Variants in CNTNAP5 observed in about 807,000 individuals in gnomAD.
CNTNAP5 encodes contactin associated protein family member 5.
Under a neutral mutation model 150.2 loss-of-function variants are expected in CNTNAP5, and 72 were observed. The ratio of observed to expected loss-of-function variants is 0.48; its 90% CI spans 0.40 to 0.58. CNTNAP5 has a LOEUF of 0.58. Ranked by LOEUF, CNTNAP5 falls within the 20% of genes least tolerant of loss-of-function variation. CNTNAP5 has a pLI of 0.00. For synonymous variants in CNTNAP5, 672 were observed against 619.8 expected, an observed-to-expected ratio of 1.08 and a Z score of -1.25; for missense variants, 1,636 against 1,626.2, an observed-to-expected ratio of 1.01 and a Z score of -0.10.
intron 13 of CNTNAP5, among the ~76,000 whole-genome samples, chr2:124,684,830 T>C (rs1679155342): frequency 6.6e-6 from 1 of 152,156 alleles, no homozygotes; most frequent in Non-Finnish European, 1.5e-5. Flanking sequence ...GATCCACAGC[T>C]TACATTTGGG....
chr2:124,801,238 T>C (rs996559121), intron 19 of CNTNAP5, among the ~76,000 whole-genome samples: 1 of 152,104 alleles, frequency 6.6e-6, no homozygotes, highest in African/African-American at 2.4e-5. Context: ...ACTGTGAAGA[T>C]AAGAAAAGAA....
chr2:124,286,397 A>T (rs1688149727), intron 3 of CNTNAP5, among the ~76,000 whole-genome samples: 1 of 152,184 alleles, frequency 6.6e-6, no homozygotes. Flanking sequence ...GTGGCACCTT[A>T]GAATTACCTG....
chr2:124,681,476 C>G (rs1480374198), intron 13 of CNTNAP5, among the ~76,000 whole-genome samples: 1 of 152,076 alleles, frequency 6.6e-6, no homozygotes, highest in Admixed American at 6.6e-5. Flanking sequence ...TAGTGACCTT[C>G]CTGAATTAAT....
chr2:124,797,846 C>T (rs2104641639), intron 18 of CNTNAP5, among the ~76,000 whole-genome samples: 1 of 152,308 alleles, frequency 6.6e-6, no homozygotes, highest in East Asian at 1.9e-4. Flanking sequence ...GGAGGAAAAC[C>T]TGAGCTTTCT....
At chr2:124,403,127 C>T (rs1273273101) in intron 3 of CNTNAP5, among the ~76,000 whole-genome samples, 2 of 152,218 alleles carry the variant, frequency 1.3e-5, no homozygotes, top group Admixed American at 6.5e-5. Flanking sequence ...AGTTTGTACT[C>T]TTCTGGGGGG....
chr2:124,559,767 C>T (rs1414772208), intron 10 of CNTNAP5, among the ~76,000 whole-genome samples: 1 of 152,172 alleles, frequency 6.6e-6, no homozygotes, highest in African/African-American at 2.4e-5. Flanking sequence ...AAATTATACT[C>T]ATGAAACTGC....
intron 4 of CNTNAP5, among the ~76,000 whole-genome samples, chr2:124,419,128 G>A (rs1158233947): frequency 4.3e-4 from 7 of 16,326 alleles, no homozygotes; most frequent in Admixed American, 1.2e-3. Context: ...GCGACAGAGC[G>A]AGACTCCTTC....
At chr2:124,510,194 T>C (rs1339685142) in intron 8 of CNTNAP5, among the ~76,000 whole-genome samples, 102 of 129,776 alleles carry the variant, frequency 7.9e-4, no homozygotes, top group Middle Eastern at 0.011. Flanking sequence ...GGTGACAGAG[T>C]GAGACTCCAT....
At chr2:124,191,779 G>T (rs900855023) in intron 1 of CNTNAP5, among the ~76,000 whole-genome samples, 1 of 152,118 alleles carries the variant, frequency 6.6e-6, no homozygotes, top group Non-Finnish European at 1.5e-5. Flanking sequence ...GCTGGGCATG[G>T]TGGCTCACGC....
chr2:124,718,770 C>T (rs1453037564), intron 13 of CNTNAP5, among the ~76,000 whole-genome samples: 2 of 151,852 alleles, frequency 1.3e-5, no homozygotes, highest in Admixed American at 6.6e-5. Context: ...GTCGAAACCC[C>T]GTCTCTACTA....
chr2:124,180,078 A>C (rs1264165875), intron 1 of CNTNAP5, among the ~76,000 whole-genome samples: 1 of 152,204 alleles, frequency 6.6e-6, no homozygotes, highest in African/African-American at 2.4e-5. Context: ...TATATACAAA[A>C]ATTTGGCTTC....
chr2:124,364,796 G>C (rs1294820659), intron 3 of CNTNAP5, among the ~76,000 whole-genome samples: 1 of 152,142 alleles, frequency 6.6e-6, no homozygotes. Flanking sequence ...TACCAGAGGA[G>C]AAAAAGGAAA....
chr2:124,746,932 A>G (rs1680615152), intron 13 of CNTNAP5, among the ~76,000 whole-genome samples: 1 of 152,088 alleles, frequency 6.6e-6, no homozygotes, highest in Non-Finnish European at 1.5e-5. Flanking sequence ...TGTCGTTTAT[A>G]TGTGTACATA....
intron 19 of CNTNAP5, among the ~76,000 whole-genome samples, chr2:124,860,299 G>A (rs556173376): frequency 1.1e-4 from 17 of 151,880 alleles, no homozygotes; most frequent in East Asian, 3.9e-4. Context: ...GCAGTGAGCC[G>A]AGATAGTGCC....
chr2:124,323,234 T>G (rs1223931035), intron 3 of CNTNAP5, among the ~76,000 whole-genome samples: 1 of 152,196 alleles, frequency 6.6e-6, no homozygotes, highest in Non-Finnish European at 1.5e-5. Flanking sequence ...GAAGTTCTCA[T>G]GCAACTCAGA....
intron 7 of CNTNAP5, among the ~76,000 whole-genome samples, chr2:124,486,863 A>G (rs998795677): frequency 1.3e-5 from 2 of 152,228 alleles, no homozygotes; most frequent in African/African-American, 4.8e-5. Context: ...TCTCAGACTC[A>G]AAAAGTTTAG....
At chr2:124,362,427 A>C (rs943973629) in intron 3 of CNTNAP5, among the ~76,000 whole-genome samples, 1 of 152,214 alleles carries the variant, frequency 6.6e-6, no homozygotes, top group Non-Finnish European at 1.5e-5. Flanking sequence ...TCAGAATCCT[A>C]TCTCACTGTC....
chr2:124,446,247 C>CTAAG (rs1692812544), intron 5 of CNTNAP5, among the ~76,000 whole-genome samples: 1 of 152,100 alleles, frequency 6.6e-6, no homozygotes, highest in East Asian at 1.9e-4. Flanking sequence ...TTATTTCTTC[C>CTAAG]TAAGTGCCGT....
At chr2:124,297,508 G>T (rs1218035521) in intron 3 of CNTNAP5, among the ~76,000 whole-genome samples, 1 of 152,088 alleles carries the variant, frequency 6.6e-6, no homozygotes, top group East Asian at 1.9e-4. Context: ...TAGAAGCACC[G>T]TTTTTTCCAA....
Sources: allele counts gnomAD v4.1 joint callset (sites outside exome capture counted in the v4.1 genomes callset), GRCh38; gene constraint gnomAD v4.1.1; transcripts MANE v1.5; gene names NCBI Gene and HGNC (gene_info 2026-07-23, HGNC 2026-07-21).